Variants in RUNX1 observed in about 807,000 individuals in gnomAD.
RUNX1 encodes the protein runt-related transcription factor 1.
Under a neutral mutation model 42.8 loss-of-function variants are expected in RUNX1, and 19 were observed. The ratio of observed to expected loss-of-function variants is 0.44; its 90% confidence interval spans 0.31 to 0.65. RUNX1 has a LOEUF of 0.65. RUNX1 is among the 30% of genes least tolerant of loss of function. The pLI, the probability that RUNX1 is intolerant of heterozygous loss-of-function variation, is 0.07. For missense variants in RUNX1, 528 were observed against 672.0 expected (o/e 0.79, Z 2.37); for synonymous variants, 271 against 289.4 (o/e 0.94, Z 0.64).
chr21:35,038,729 T>A lies in RUNX1; in HGVS notation c.58+10113A>T, dbSNP rs189737894. On this transcript the variant is annotated intron_variant, in intron 2 of 8. Transcript: ENST00000675419. ...CTTTGAATCAGGAGTGATGTGAGCATATATATCCCTAATGGGAATTATAGT... is the reference window on the plus strand; with the variant it reads ...CTTTGAATCAGGAGTGATGTGAGCAAATATATCCCTAATGGGAATTATAGT... 1.4e-4 allele frequency: 65 copies of A among 456,156 alleles called. 1 individual carries two copies. The highest frequency in any genetic ancestry group is 1.3e-3 in the Middle Eastern group (4 of 3,076). The allele number at this position is 456,156 out of a possible 1,614,324, so 28.3% of individuals were successfully genotyped here. A position where few individuals can be genotyped will look rare whatever the true frequency, so the allele number is the denominator to read the frequency against.
intron 2 of RUNX1, among the ~76,000 whole-genome samples, chr21:35,004,764 G>C (rs1009782438): frequency 6.6e-6 from 1 of 152,210 alleles, no homozygotes; most frequent in East Asian, 1.9e-4. Context: ...GGGCTCACAA[G>C]AGAGGCAGCT....
chr21:34,864,400 A>G (rs1160586895), intron 5 of RUNX1, among the ~76,000 whole-genome samples: 1 of 152,262 alleles, frequency 6.6e-6, no homozygotes, highest in East Asian at 1.9e-4. Context: ...AACGGCCCCA[A>G]AATGGGCTTT....
intron 3 of RUNX1, chr21:34,889,960 C>A: frequency 1.5e-5 from 9 of 611,030 alleles, no homozygotes; most frequent in Non-Finnish European, 1.8e-5. Flanking sequence ...TTTGTGGTCC[C>A]CGCGGAGCCC....
chr21:34,889,730 G>A (rs969261919), intron 3 of RUNX1: 3 of 1,183,232 alleles, frequency 2.5e-6, no homozygotes, highest in Non-Finnish European at 1.1e-6. Flanking sequence ...CCGCGGTGCT[G>A]CGGGCATTTT....
At chr21:34,846,726 C>A (rs963648676) in intron 6 of RUNX1, among the ~76,000 whole-genome samples, 1 of 152,178 alleles carries the variant, frequency 6.6e-6, no homozygotes, top group Non-Finnish European at 1.5e-5. Flanking sequence ...CGAGAACAGA[C>A]CAGCCCTCAA....
At chr21:35,014,817 C>T (rs1031805391) in intron 2 of RUNX1, among the ~76,000 whole-genome samples, 10 of 152,356 alleles carry the variant, frequency 6.6e-5, no homozygotes, top group Admixed American at 3.3e-4. Flanking sequence ...CCTCAGCTCC[C>T]TGTAAACATC....
intron 2 of RUNX1, among the ~76,000 whole-genome samples, chr21:34,938,889 T>C (rs1483327669): frequency 1.3e-5 from 2 of 152,190 alleles, no homozygotes; most frequent in Non-Finnish European, 2.9e-5. Flanking sequence ...AAATGTGATC[T>C]TGGTTTTGTT....
chr21:34,867,796 C>T (rs1216774626), intron 5 of RUNX1, among the ~76,000 whole-genome samples: 1 of 152,326 alleles, frequency 6.6e-6, no homozygotes, highest in Non-Finnish European at 1.5e-5. Flanking sequence ...GAATTCGCAG[C>T]CCCCTGGAGA....
chr21:34,994,878 G>A (rs1028864665), intron 2 of RUNX1, among the ~76,000 whole-genome samples: 6 of 152,250 alleles, frequency 3.9e-5, no homozygotes, highest in East Asian at 1.9e-4. Context: ...TTCTGTTCCC[G>A]TACACCCTCA....
rs906308212 is a variant in RUNX1, at chr21:34,789,550, C to T, written c.*2585G>A. The T allele has an allele frequency of 8.6e-6, 2 of 233,446 alleles. No homozygotes were observed. The highest frequency in any genetic ancestry group is 4.4e-5 in the African/African-American group (2 of 45,252). 14.5% of individuals were successfully genotyped at this position (233,446 alleles called of 1,614,324 possible). ...CCTGAGGGCAATGAATAAAAAGATA[C>T]CTTAATCTACCTGAAGTCAATGAAT... On this transcript the variant is annotated 3_prime_UTR_variant, in exon 9 of 9. Coordinates refer to ENST00000675419, the MANE Select transcript of RUNX1 (RefSeq NM_001754.5).
rs778977142 is a variant in RUNX1, at chr21:34,821,740, G to A, written c.805+12670C>T. ...ACCAGGGAGAAAGTTCGAAAATAAG[G>A]ACAATTCTTTATAGAGCCGCGAATG... On this transcript the variant is annotated intron_variant, in intron 7 of 8. Coordinates refer to ENST00000675419, the MANE Select transcript of RUNX1 (RefSeq NM_001754.5). 5 of 1,528,628 alleles carry A rather than the reference G, an allele frequency of 3.3e-6. No homozygotes were observed. The South Asian group carries it at 4.9e-5, about 15-fold the overall frequency. The allele number at this position is 1,528,628 out of a possible 1,614,324, so 94.7% of individuals were successfully genotyped here.
At chr21:34,850,036 C>T (rs2057395219) in intron 6 of RUNX1, among the ~76,000 whole-genome samples, 1 of 151,660 alleles carries the variant, frequency 6.6e-6, no homozygotes, top group Admixed American at 6.6e-5. Flanking sequence ...AAAACAACAA[C>T]AACAAAAAAA....
intron 5 of RUNX1, among the ~76,000 whole-genome samples, chr21:34,865,457 C>T (rs1334778240): frequency 1.3e-5 from 2 of 152,178 alleles, no homozygotes; most frequent in African/African-American, 4.8e-5. Flanking sequence ...GTAAACAAGC[C>T]AGGCCAGTGC....
intron 5 of RUNX1, among the ~76,000 whole-genome samples, chr21:34,870,542 GCACAGGAAAGCCACT>G (rs2057722305): frequency 6.6e-6 from 1 of 152,180 alleles, no homozygotes; most frequent in Non-Finnish European, 1.5e-5. Context: ...GTTCAACCAT[GCACAGGAAAGCCACT>G]CACAGCAAAG....
At chr21:34,967,235 G>T (rs7278199) in intron 2 of RUNX1, among the ~76,000 whole-genome samples, 1 of 139,552 alleles carries the variant, frequency 7.2e-6, no homozygotes, top group Non-Finnish European at 1.5e-5. Context: ...GAGGAGAATC[G>T]CTTGAAACTG....
chr21:34,840,479 A>C (rs1352607284), intron 6 of RUNX1, among the ~76,000 whole-genome samples: 1 of 152,256 alleles, frequency 6.6e-6, no homozygotes, highest in African/African-American at 2.4e-5. Context: ...GATTACTCCA[A>C]GGGACTCTAA....
intron 2 of RUNX1, among the ~76,000 whole-genome samples, chr21:34,935,129 A>G (rs549683125): frequency 6.6e-6 from 1 of 152,316 alleles, no homozygotes; most frequent in Non-Finnish European, 1.5e-5. Flanking sequence ...AAATAGAAAT[A>G]CACTTCTATA....
intron 2 of RUNX1, among the ~76,000 whole-genome samples, chr21:34,967,352 A>G (rs13049159): frequency 7.5e-6 from 1 of 132,712 alleles, no homozygotes; most frequent in East Asian, 2.2e-4. Flanking sequence ...AAAAAAAAAA[A>G]GAAGAATAGC....
intron 2 of RUNX1, among the ~76,000 whole-genome samples, chr21:34,980,237 G>A (rs1305111918): frequency 6.6e-6 from 1 of 152,160 alleles, no homozygotes; most frequent in Non-Finnish European, 1.5e-5. Flanking sequence ...TAGCCTTGTC[G>A]TTTTCTTTCT....
Sources: allele counts gnomAD v4.1 joint callset (sites outside exome capture counted in the v4.1 genomes callset), GRCh38; gene constraint gnomAD v4.1.1; transcripts MANE v1.5; gene names NCBI Gene and HGNC (gene_info 2026-07-23, HGNC 2026-07-21).